FBLN5: variants seen among roughly 807,000 people sequenced by gnomAD.
The protein encoded by FBLN5 is fibulin 5, also known as fibulin-5.
A neutral mutation model predicts 61.6 loss-of-function variants in FBLN5; 24 were observed. The observed-to-expected ratio is 0.39, with a 90% CI of 0.28 to 0.55. The LOEUF (loss-of-function observed/expected upper bound fraction) is 0.55. FBLN5 is among the 20% of genes least tolerant of loss of function. FBLN5 has a pLI of 0.65. For missense variants in FBLN5, 470 were observed against 594.1 expected (o/e 0.79, Z 2.17); for synonymous variants, 213 against 219.8 (o/e 0.97, Z 0.27).
At chr14:91,874,894 C>CAT (rs1889097061) in intron 10 of FBLN5, 1 of 152,442 alleles carries the variant, frequency 6.6e-6, no homozygotes, top group Non-Finnish European at 1.5e-5. Flanking sequence ...GTGGTGCAAT[C>CAT]ATAGCTCACT....
intron 4 of FBLN5, among the ~76,000 whole-genome samples, chr14:91,911,793 G>A (rs1890953638): frequency 8.8e-6 from 1 of 113,450 alleles, no homozygotes; most frequent in South Asian, 3.2e-4. Context: ...GGATGCAAAA[G>A]GAAAAGACGG....
At chr14:91,899,549 A>G (rs1890372465) in intron 4 of FBLN5, among the ~76,000 whole-genome samples, 1 of 152,222 alleles carries the variant, frequency 6.6e-6, no homozygotes, top group African/African-American at 2.4e-5. Context: ...AGACATCCAC[A>G]GAGTGGCCTT....
chr14:91,946,669 G>A, intron 1 of FBLN5: 7 of 1,454,328 alleles, frequency 4.8e-6, no homozygotes, highest in Non-Finnish European at 6.5e-6. Flanking sequence ...TTACTTAACT[G>A]TAATTGCAAT....
At chr14:91,912,369 C>T (rs572643239) in intron 4 of FBLN5, among the ~76,000 whole-genome samples, 33 of 152,226 alleles carry the variant, frequency 2.2e-4, no homozygotes, top group African/African-American at 7.0e-4. Flanking sequence ...CTGGGCAGGA[C>T]GTGGTGGCCC....
chr14:91,909,745 C>T (rs973652558), intron 4 of FBLN5, among the ~76,000 whole-genome samples: 2 of 152,154 alleles, frequency 1.3e-5, no homozygotes, highest in African/African-American at 4.8e-5. Context: ...GCCTCCAGAA[C>T]CATGAGCTAA....
At position 91,921,928 on chromosome 14, in the gene FBLN5, C is replaced by T. The variant is rs533767998; in HGVS notation, c.379+15019G>A. 2.0e-3 allele frequency among the ~76,000 whole-genome samples: 302 copies of T among 152,280 alleles called. 4 individuals are homozygous for T. Among genetic ancestry groups the T allele is most frequent in the Non-Finnish European group, 8.4e-4 (57 of 68,032 alleles). ...ATGGCCTAAAAGGGCCTAAAGCTGG[C>T]GGGCCCACATGCTGGTCAGCCTAAA... On this transcript the variant is annotated intron_variant, in intron 4 of 10. Coordinates refer to ENST00000342058, the MANE Select transcript of FBLN5 (RefSeq NM_006329.4).
In FBLN5 at chr14:91,932,417, AC is replaced by A. The variant is rs1454165047; in HGVS notation, c.379+4529del. On this transcript the variant is annotated intron_variant, in intron 4 of 10. Transcript: ENST00000342058. ...AGGAGGAAGCTCTGAGGGACTGGCC[AC>A]CCAGGTGCTGAGCCCGGCCCCGCCC... 2.6e-5 allele frequency among the ~76,000 whole-genome samples: 4 copies of A among 152,154 alleles called. No homozygotes were observed. The East Asian group carries it at 7.7e-4, about 29-fold the overall frequency.
At chr14:91,878,529 C>T (rs1234108107) in intron 9 of FBLN5, among the ~76,000 whole-genome samples, 3 of 152,238 alleles carry the variant, frequency 2.0e-5, no homozygotes, top group Admixed American at 6.5e-5. Context: ...TGGTGGCCAA[C>T]GCTAGGAGTC....
chr14:91,871,187 A>T (rs1371299264), intron 10 of FBLN5, among the ~76,000 whole-genome samples: 1 of 150,826 alleles, frequency 6.6e-6, no homozygotes, highest in Non-Finnish European at 1.5e-5. Flanking sequence ...TTTTGAGGAA[A>T]AATAAAATGA....
intron 7 of FBLN5, among the ~76,000 whole-genome samples, chr14:91,884,231 A>G (rs1889623132): frequency 6.6e-6 from 1 of 152,106 alleles, no homozygotes; most frequent in Non-Finnish European, 1.5e-5. Context: ...TCCTCAGGTG[A>G]TGGGTTATCA....
intron 4 of FBLN5, among the ~76,000 whole-genome samples, chr14:91,907,492 C>T (rs1198983015): frequency 6.6e-6 from 1 of 152,136 alleles, no homozygotes; most frequent in African/African-American, 2.4e-5. Flanking sequence ...AGGTAGGGAA[C>T]AGCACGTGCA....
intron 5 of FBLN5, among the ~76,000 whole-genome samples, chr14:91,892,441 T>C (rs1403048206): frequency 6.6e-6 from 1 of 152,226 alleles, no homozygotes; most frequent in Non-Finnish European, 1.5e-5. Context: ...GCCTGGTTTC[T>C]ACCTACTGCC....
rs774458799 is a variant in FBLN5, at chr14:91,887,280, C to T, written c.652G>A (p.Val218Met). Residue 218 changes from valine (V) to methionine (M), a missense_variant, in exon 7 of 11, where the codon GTG becomes ATG. Physicochemically the swap from Val to Met is conservative, Grantham distance 21 (BLOSUM62 1). Transcript: ENST00000342058. Reference sequence around the variant, plus strand: ...CCGTAGGTGTTGACGCAGGTTTGCACGCAGGGGTTCTCGGTGGCACACTCG... The same window carrying T: ...CCGTAGGTGTTGACGCAGGTTTGCATGCAGGGGTTCTCGGTGGCACACTCG... ...VNECATENPC[V>M]QTCVNTYGSF... The T allele has an allele frequency of 3.4e-5, 55 of 1,613,316 alleles. 1 individual carries two copies. Among genetic ancestry groups the T allele is most frequent in the Admixed American group, 1.0e-4 (6 of 59,956 alleles).
intron 4 of FBLN5, 82 bp downstream of exon 4, chr14:91,936,865 C>A: frequency 6.6e-7 from 1 of 1,524,546 alleles, no homozygotes; most frequent in Non-Finnish European, 9.1e-7. Flanking sequence ...CAACTAACAA[C>A]CCATTTGTGG....
rs2056196909 is a variant in FBLN5 at position 91,947,099 on chromosome 14, T to A, written c.17+114A>T. 1 of 1,558,950 alleles carries A rather than the reference T, an allele frequency of 6.4e-7. No individual in the cohort carries two copies. Among genetic ancestry groups the A allele is most frequent in the Non-Finnish European group, 8.8e-7 (1 of 1,140,818 alleles). On this transcript the variant is annotated intron_variant, in intron 1 of 10. Coordinates refer to ENST00000342058, the MANE Select transcript of FBLN5 (RefSeq NM_006329.4). This position sits in a 1 kb window ranked among gnomAD's most constrained non-coding sequence, Gnocchi z 4.3. ...TATCATTGCATCACTAGCTCATGCC[T>A]TTTCCAATATCCTGACACCGCCTGA...
chr14:91,929,051 C>T (rs2055878084), intron 4 of FBLN5, among the ~76,000 whole-genome samples: 1 of 149,850 alleles, frequency 6.7e-6, no homozygotes, highest in Non-Finnish European at 1.5e-5. Flanking sequence ...GAGTGAGACT[C>T]CATCTCAAAA....
At chr14:91,923,963 T>C (rs186013096) in intron 4 of FBLN5, among the ~76,000 whole-genome samples, 100 of 152,336 alleles carry the variant, frequency 6.6e-4, no homozygotes, top group Middle Eastern at 3.4e-3. Context: ...CCATCCCATT[T>C]CACTGGGCTA....
intron 2 of FBLN5, chr14:91,942,164 G>T (rs966265931): frequency 1.8e-5 from 8 of 455,906 alleles, no homozygotes; most frequent in Non-Finnish European, 3.1e-5. Flanking sequence ...ACACACAGGG[G>T]TCCATCTCTC....
chr14:91,921,610 C>T (rs1272705528), intron 4 of FBLN5, among the ~76,000 whole-genome samples: 3 of 152,094 alleles, frequency 2.0e-5, no homozygotes, highest in Non-Finnish European at 4.4e-5. Flanking sequence ...TGAAGGCCTC[C>T]GGTGGATTTA....
Sources: allele counts gnomAD v4.1 joint callset (sites outside exome capture counted in the v4.1 genomes callset), GRCh38; gene constraint gnomAD v4.1.1; non-coding constraint Gnocchi (gnomAD v3.1); transcripts MANE v1.5; gene names NCBI Gene and HGNC (gene_info 2026-07-23, HGNC 2026-07-21).